The following BICRAL variants were observed in gnomAD, a reference collection of about 807,000 sequenced individuals.
BICRAL encodes BRD4-interacting chromatin-remodeling complex-associated protein-like.
In BICRAL, 8 loss-of-function variants were observed where a neutral mutation model predicts 91.8. That is an observed-to-expected ratio of 0.09 (90% CI 0.05 to 0.16). The LOEUF (loss-of-function observed/expected upper bound fraction) is 0.16, where lower values mean the gene tolerates loss of function less well. Ranked by LOEUF, BICRAL falls within the 10% of genes least tolerant of loss-of-function variation. The pLI, the probability that BICRAL is intolerant of heterozygous loss-of-function variation, is 1.00. For missense variants in BICRAL, 1,038 were observed against 1,310.9 expected (o/e 0.79, Z 3.21); for synonymous variants, 445 against 491.1 (o/e 0.91, Z 1.24).
chr6:42,864,611 T>C, intron 12 of BICRAL, 48 bp from the exon 13 acceptor site: 1 of 1,506,170 alleles, frequency 6.6e-7, no homozygotes, highest in Non-Finnish European at 9.1e-7. Flanking sequence ...CTGTATAGTC[T>C]GTCCTCTCCC....
At chr6:42,783,127 C>G (rs1004409955) in intron 1 of BICRAL, among the ~76,000 whole-genome samples, 5 of 148,838 alleles carry the variant, frequency 3.4e-5, no homozygotes, top group African/African-American at 1.2e-4. Flanking sequence ...CGAGTCGCCC[C>G]GGCCCCGTTC....
chr6:42,819,109 C>T (rs1456436367), intron 2 of BICRAL, among the ~76,000 whole-genome samples: 1 of 152,102 alleles, frequency 6.6e-6, no homozygotes, highest in South Asian at 2.1e-4. Context: ...ATAAAATCCA[C>T]CTGGGGTCAG....
intron 1 of BICRAL, among the ~76,000 whole-genome samples, chr6:42,786,575 A>G (rs2113869332): frequency 6.6e-6 from 1 of 152,338 alleles, no homozygotes; most frequent in Middle Eastern, 3.4e-3. Flanking sequence ...TGAAATTTAC[A>G]GTATAGTGGG....
chr6:42,781,006 G>A (rs1445002318), upstream of BICRAL, among the ~76,000 whole-genome samples: 1 of 151,986 alleles, frequency 6.6e-6, no homozygotes, highest in East Asian at 1.9e-4. Context: ...CAAAGTGTTG[G>A]AATTACAGGC....
At chr6:42,836,320 T>C (rs1293589956) in intron 6 of BICRAL, among the ~76,000 whole-genome samples, 1 of 152,138 alleles carries the variant, frequency 6.6e-6, no homozygotes, top group African/African-American at 2.4e-5. Context: ...TACCTTTTTC[T>C]CTCTGACTCC....
intron 5 of BICRAL, 90 bp from the exon 6 acceptor site, chr6:42,828,400 CAAA>C (rs60087164): frequency 2.0e-3 from 1,777 of 894,964 alleles, no homozygotes; most frequent in Middle Eastern, 2.6e-3. Context: ...GACTCCATCT[CAAA>C]AAAAAAAAAA....
intron 1 of BICRAL, among the ~76,000 whole-genome samples, chr6:42,747,993 G>A (rs369552644): frequency 6.6e-6 from 1 of 151,730 alleles, no homozygotes; most frequent in African/African-American, 2.4e-5. Context: ...TAGTAGAGAC[G>A]GGGTTTCTCC....
At chr6:42,757,257 T>C (rs1007069221) in intron 1 of BICRAL, among the ~76,000 whole-genome samples, 1 of 123,542 alleles carries the variant, frequency 8.1e-6, no homozygotes, top group South Asian at 2.6e-4. Flanking sequence ...TTTTTTTAAC[T>C]CTTTTTTTTT....
chr6:42,795,311 A>T (rs1330474938), intron 1 of BICRAL, among the ~76,000 whole-genome samples: 1 of 152,096 alleles, frequency 6.6e-6, no homozygotes, highest in African/African-American at 2.4e-5. Flanking sequence ...CACGCCTGCA[A>T]TCCCAGCTAC....
intron 6 of BICRAL, among the ~76,000 whole-genome samples, chr6:42,835,392 G>T (rs1343736897): frequency 3.3e-5 from 5 of 152,014 alleles, no homozygotes; most frequent in Non-Finnish European, 7.4e-5. Context: ...GCCTCCCAAA[G>T]TGCTGGGATT....
intron 11 of BICRAL, among the ~76,000 whole-genome samples, chr6:42,861,138 A>G (rs1765545261): frequency 6.6e-6 from 1 of 152,038 alleles, no homozygotes; most frequent in Non-Finnish European, 1.5e-5. Flanking sequence ...ATAAAATAAT[A>G]ATAATAATAA....
In BICRAL at chr6:42,807,083, G is replaced by A. The variant is rs989322534; in HGVS notation, c.-101-3223G>A. ...TGACCTCAAGTGATCCACCCGCCTC[G>A]GCCTCCCAAAGTGCTGGGCTTACAG... On this transcript the variant is annotated intron_variant, in intron 1 of 12. Transcript: ENST00000314073. Among the ~76,000 whole-genome samples the A allele has an allele frequency of 2.3e-4, 35 of 151,706 alleles. 1 individual carries two copies. The highest frequency in any genetic ancestry group is 1.4e-3 in the Admixed American group (22 of 15,272).
At chr6:42,783,929 C>T (rs952550157) in intron 1 of BICRAL, among the ~76,000 whole-genome samples, 2 of 152,122 alleles carry the variant, frequency 1.3e-5, no homozygotes, top group Non-Finnish European at 2.9e-5. Flanking sequence ...TTCCTTAATT[C>T]TTCAGTTATT....
intron 1 of BICRAL, among the ~76,000 whole-genome samples, chr6:42,765,656 A>G (rs937642607): frequency 1.4e-4 from 22 of 152,342 alleles, no homozygotes; most frequent in Middle Eastern, 3.4e-3. Context: ...CAAGGAAAAT[A>G]TAGGCTCTTG....
At chr6:42,855,385 AC>A (rs1189885903) in intron 8 of BICRAL, among the ~76,000 whole-genome samples, 5 of 152,170 alleles carry the variant, frequency 3.3e-5, no homozygotes, top group African/African-American at 1.2e-4. Flanking sequence ...TACAAAAAAT[AC>A]CAAAAAATTA....
intron 1 of BICRAL, among the ~76,000 whole-genome samples, chr6:42,753,796 G>C (rs1391967213): frequency 6.6e-6 from 1 of 152,040 alleles, no homozygotes; most frequent in Non-Finnish European, 1.5e-5. Flanking sequence ...ATTTTTAGTA[G>C]AGATGGGGTT....
chr6:42,756,217 A>C (rs1762456811), intron 1 of BICRAL, among the ~76,000 whole-genome samples: 1 of 152,112 alleles, frequency 6.6e-6, no homozygotes, highest in South Asian at 2.1e-4. Context: ...TTGTATTTGA[A>C]ACGGAAATTG....
intron 1 of BICRAL, among the ~76,000 whole-genome samples, chr6:42,775,208 C>T (rs1048312388): frequency 3.9e-5 from 6 of 152,164 alleles, no homozygotes; most frequent in African/African-American, 1.4e-4. Context: ...GTGCTGGGAT[C>T]ACAGGCGTGA....
chr6:42,858,515 T>TA (rs34689139), intron 10 of BICRAL, among the ~76,000 whole-genome samples: 10,300 of 113,278 alleles, frequency 0.091, 659 homozygotes, highest in East Asian at 0.26. Context: ...GACTCTGTTT[T>TA]AAAAAAAAAA....
Sources: gnomAD v4.1 joint callset for allele counts (sites outside exome capture counted in the v4.1 genomes callset) on GRCh38, gnomAD v4.1.1 for gene constraint, MANE v1.5 for transcripts, NCBI Gene and HGNC (gene_info 2026-07-23, HGNC 2026-07-21) for gene names.